LRRTM4: variants seen among roughly 807,000 people sequenced by gnomAD.
The protein encoded by LRRTM4 is leucine-rich repeat transmembrane neuronal protein 4.
Under a neutral mutation model 47.6 loss-of-function variants are expected in LRRTM4, and 25 were observed. The ratio of observed to expected loss-of-function variants is 0.53; its 90% CI spans 0.38 to 0.73. LRRTM4 has a LOEUF of 0.73. Ranked by LOEUF, LRRTM4 falls within the 30% of genes least tolerant of loss-of-function variation. The pLI, the probability that LRRTM4 is intolerant of heterozygous loss-of-function variation, is 0.00. For synonymous variants in LRRTM4, 311 were observed against 269.5 expected (o/e 1.15, Z -1.51); for missense variants, 638 against 713.4 (o/e 0.89, Z 1.20).
chr2:77,121,715 G>A (rs1034682648), intron 3 of LRRTM4, among the ~76,000 whole-genome samples: 10 of 151,812 alleles, frequency 6.6e-5, no homozygotes, highest in African/African-American at 2.4e-4. Flanking sequence ...TTTGACTGTA[G>A]TCCAATTTCC....
Position 77,519,484 on chromosome 2 carries a change from A to G in LRRTM4, c.385T>C (p.Phe129Leu). 1 of 1,613,430 alleles carries G rather than the reference A, an allele frequency of 6.2e-7. No individual in the cohort carries two copies. Among genetic ancestry groups the G allele is most frequent in the Non-Finnish European group, 8.5e-7 (1 of 1,179,626 alleles). ...TTGCGGAGATTGGGAACTGGGTGAA[A>G]TGTTTTATTGTGCAGATAAGTAATT... Reference protein sequence around the residue: ...NKITYLHNKTFHPVPNLRNLD... With the variant: ...NKITYLHNKTLHPVPNLRNLD... Residue 129 changes from phenylalanine (F) to leucine (L), a missense_variant, in exon 3 of 4, where the codon TTT becomes CTT. Transcript: ENST00000409884. The surrounding 1 kb of genome is among the most constrained non-coding windows in gnomAD (Gnocchi z 4.6).
chr2:77,464,785 C>T (rs867341842), intron 3 of LRRTM4, among the ~76,000 whole-genome samples: 9 of 152,094 alleles, frequency 5.9e-5, no homozygotes, highest in South Asian at 2.1e-4. Flanking sequence ...TCATATGAGA[C>T]ACTTAATAAA....
At chr2:77,225,164 A>G (rs1484105746) in intron 3 of LRRTM4, among the ~76,000 whole-genome samples, 4 of 143,606 alleles carry the variant, frequency 2.8e-5, no homozygotes, top group Non-Finnish European at 6.1e-5. Context: ...ATTGAACAAT[A>G]AGAACACATG....
At chr2:77,460,039 G>T (rs1676725223) in intron 3 of LRRTM4, among the ~76,000 whole-genome samples, 1 of 150,158 alleles carries the variant, frequency 6.7e-6, no homozygotes, top group African/African-American at 2.4e-5. Flanking sequence ...TTCCACTTGA[G>T]TGAACTAATT....
At chr2:76,930,935 A>G (rs1370445915) in intron 3 of LRRTM4, among the ~76,000 whole-genome samples, 2 of 152,184 alleles carry the variant, frequency 1.3e-5, no homozygotes, top group Admixed American at 1.3e-4. Flanking sequence ...ATCATTTTCT[A>G]TCATCCAAAA....
intron 3 of LRRTM4, among the ~76,000 whole-genome samples, chr2:77,034,798 C>A (rs1678779462): frequency 6.6e-6 from 1 of 151,866 alleles, no homozygotes; most frequent in African/African-American, 2.4e-5. Flanking sequence ...ATTCAGTAAT[C>A]TTTTGAGGGT....
At chr2:76,758,104 T>C (rs961287492) in intron 3 of LRRTM4, among the ~76,000 whole-genome samples, 2 of 152,136 alleles carry the variant, frequency 1.3e-5, no homozygotes, top group Non-Finnish European at 2.9e-5. Flanking sequence ...AAACCATTTC[T>C]AGTGCCCTTA....
At chr2:77,037,846 T>C (rs1280317556) in intron 3 of LRRTM4, among the ~76,000 whole-genome samples, 2 of 151,680 alleles carry the variant, frequency 1.3e-5, no homozygotes, top group African/African-American at 4.8e-5. Flanking sequence ...ACAATTTAAA[T>C]TGGTTTCATA....
chr2:76,915,446 C>T (rs113021505), intron 3 of LRRTM4, among the ~76,000 whole-genome samples: 50 of 152,248 alleles, frequency 3.3e-4, no homozygotes, highest in African/African-American at 1.1e-3. Context: ...TTTTCTTTAT[C>T]CATCTCAGGT....
rs528981349 is a variant in LRRTM4 at position 76,771,380 on chromosome 2, C to CT, written c.1552-22465dup. On this transcript the variant is annotated intron_variant, in intron 3 of 3. Coordinates refer to ENST00000409884, the MANE Select transcript of LRRTM4 (RefSeq NM_001134745.3). ...GAAAACAATGGCTGACTCAGAACTA[C>CT]TCCATCTGATTTAGATAAGATTGAA... Among the ~76,000 whole-genome samples, 12 of 152,228 alleles carry CT rather than the reference C, an allele frequency of 7.9e-5. 1 individual carries two copies. The South Asian group carries it at 2.1e-3, about 26-fold the overall frequency.
rs1288625436 is a variant in LRRTM4, at chr2:77,145,901, GATT to G, written c.1551+372414_1551+372416del. On this transcript the variant is annotated intron_variant, in intron 3 of 3. Transcript: ENST00000409884. ...ATATATTCTGAGCATGTGTTTCAAA[GATT>G]ATTATTCTTTCGAAAAAAAATTTAA... Among the ~76,000 whole-genome samples, 5 of 152,148 alleles carry G rather than the reference GATT, an allele frequency of 3.3e-5. No individual in the cohort carries two copies. In the East Asian group the frequency reaches 5.8e-4, roughly 18 times the overall value.
At chr2:77,484,080 T>G (rs2104025644) in intron 3 of LRRTM4, among the ~76,000 whole-genome samples, 1 of 152,316 alleles carries the variant, frequency 6.6e-6, no homozygotes, top group East Asian at 1.9e-4. Flanking sequence ...GCAATTTAGC[T>G]GCATTTATTT....
chr2:77,254,253 A>T (rs1317432195), intron 3 of LRRTM4, among the ~76,000 whole-genome samples: 1 of 152,018 alleles, frequency 6.6e-6, no homozygotes, highest in Admixed American at 6.6e-5. Context: ...AAGTGGTATC[A>T]CATTTTTTAA....
chr2:77,198,869 C>G (rs80317621), intron 3 of LRRTM4, among the ~76,000 whole-genome samples: 1 of 152,150 alleles, frequency 6.6e-6, no homozygotes, highest in East Asian at 1.9e-4. Flanking sequence ...TAGTGCTCAT[C>G]ATGTTGCCTG....
intron 3 of LRRTM4, among the ~76,000 whole-genome samples, chr2:77,050,335 T>C (rs1241518908): frequency 2.6e-5 from 4 of 152,090 alleles, no homozygotes; most frequent in African/African-American, 2.4e-5. Context: ...CATTGCCAAT[T>C]CTCTACTCGA....
intron 3 of LRRTM4, among the ~76,000 whole-genome samples, chr2:76,754,613 C>T (rs1249827800): frequency 1.3e-5 from 2 of 152,080 alleles, no homozygotes; most frequent in East Asian, 1.9e-4. Context: ...GTGAAAGCTC[C>T]CAAGTTTTAC....
At chr2:76,798,868 G>C (rs560403907) in intron 3 of LRRTM4, among the ~76,000 whole-genome samples, 1 of 152,092 alleles carries the variant, frequency 6.6e-6, no homozygotes, top group African/African-American at 2.4e-5. Flanking sequence ...GGATACATTC[G>C]TGGACACATG....
chr2:77,032,592 T>A (rs1678701671), intron 3 of LRRTM4, among the ~76,000 whole-genome samples: 1 of 152,174 alleles, frequency 6.6e-6, no homozygotes, highest in African/African-American at 2.4e-5. Context: ...AATTAAGATC[T>A]GTTTTATTCA....
At chr2:77,195,540 T>A (rs144038666) in intron 3 of LRRTM4, among the ~76,000 whole-genome samples, 1,789 of 152,220 alleles carry the variant, frequency 0.012, 38 homozygotes, top group African/African-American at 0.041. Flanking sequence ...ATACCTTTAC[T>A]GCACTGTATC....
Sources: gnomAD v4.1 joint callset for allele counts (sites outside exome capture counted in the v4.1 genomes callset) on GRCh38, gnomAD v4.1.1 for gene constraint, Gnocchi (gnomAD v3.1) non-coding constraint, MANE v1.5 for transcripts, NCBI Gene and HGNC (gene_info 2026-07-23, HGNC 2026-07-21) for gene names.